BMP6: variants seen among roughly 807,000 people sequenced by gnomAD.
The protein encoded by BMP6 is VG-1-R.
In BMP6, 17 loss-of-function variants were observed where a neutral mutation model predicts 54.1. The ratio of observed to expected loss-of-function variants is 0.31; its 90% confidence interval spans 0.22 to 0.47. The LOEUF (loss-of-function observed/expected upper bound fraction) is 0.47. BMP6 is among the 20% of genes least tolerant of loss of function. The pLI, the probability that BMP6 is intolerant of heterozygous loss-of-function variation, is 1.00. For synonymous variants in BMP6, 328 were observed against 291.2 expected (o/e 1.13, Z -1.28); for missense variants, 720 against 690.4 (o/e 1.04, Z -0.48).
chr6:7,816,146 C>T (rs1758522762), intron 1 of BMP6, among the ~76,000 whole-genome samples: 2 of 152,164 alleles, frequency 1.3e-5, no homozygotes. Context: ...TAGAAAATTG[C>T]TGGAGAGGCT....
At chr6:7,754,902 T>G (rs1581233791) in intron 1 of BMP6, among the ~76,000 whole-genome samples, 1 of 152,126 alleles carries the variant, frequency 6.6e-6, no homozygotes, top group African/African-American at 2.4e-5. Flanking sequence ...GTATTTTTAG[T>G]AGAGACCGGG....
rs1358826076 is a variant in BMP6, at chr6:7,881,681, G to A, written c.*1338G>A. The A allele has an allele frequency of 1.3e-5, 2 of 151,646 alleles. No homozygotes were observed. The highest frequency in any genetic ancestry group is 2.4e-5 in the African/African-American group (1 of 41,396). The allele number at this position is 151,646 out of a possible 1,614,324, so 9.4% of individuals were successfully genotyped here. A position where few individuals can be genotyped will look rare whatever the true frequency, so the allele number is the denominator to read the frequency against. On this transcript the variant is annotated 3_prime_UTR_variant, in exon 7 of 7. Coordinates refer to ENST00000283147, the MANE Select transcript of BMP6 (RefSeq NM_001718.6). ...AGGAGGTTGGGTTTTTTTAAAAAAA[G>A]AATTATCTGTGAACCATACGTGATT...
intron 1 of BMP6, among the ~76,000 whole-genome samples, chr6:7,797,763 AC>A (rs1758212390): frequency 6.6e-6 from 1 of 152,136 alleles, no homozygotes; most frequent in Non-Finnish European, 1.5e-5. Context: ...AATAACAGCA[AC>A]AAAAAGAAGA....
intron 2 of BMP6, among the ~76,000 whole-genome samples, chr6:7,854,461 G>A (rs964547454): frequency 2.6e-5 from 4 of 152,206 alleles, no homozygotes; most frequent in Non-Finnish European, 4.4e-5. Context: ...TAGGGTTGGT[G>A]ATGAGAACTA....
intron 5 of BMP6, 123 bp from the exon 6 acceptor site, chr6:7,879,868 T>C (rs1759684880): frequency 2.0e-6 from 2 of 997,272 alleles, no homozygotes. Flanking sequence ...TTCCTAAGCC[T>C]TCCTGCGTCT....
At position 7,727,329 on chromosome 6, in the gene BMP6, C is replaced by A. The variant is rs769021981; in HGVS notation, c.374C>A (p.Pro125His). 6 of 1,609,522 alleles carry A rather than the reference C, an allele frequency of 3.7e-6. No individual in the cohort carries two copies. The Admixed American group carries it at 1.0e-4, about 27-fold the overall frequency. ...QQQQLPRGEP[P>H]PGRLKSAPLF... The stretch of plus-strand genomic sequence containing the variant: ...CAGCAGCTGCCTCGCGGAGAGCCCC[C>A]TCCCGGGCGACTGAAGTCCGCGCCC... Residue 125 changes from proline to histidine, a missense_variant, in exon 1 of 7, where the codon CCT becomes CAT. Pro to His is a moderately conservative substitution (Grantham distance 77). Around this residue, in one of 3 missense-constraint regions of BMP6, gnomAD observed 650 missense variants for 556.3 expected, o/e 1.17. Coordinates refer to ENST00000283147, the MANE Select transcript of BMP6 (RefSeq NM_001718.6).
chr6:7,758,578 T>C (rs989572505), intron 1 of BMP6, among the ~76,000 whole-genome samples: 1 of 152,198 alleles, frequency 6.6e-6, no homozygotes, highest in Admixed American at 6.5e-5. Context: ...CTACAGTGCC[T>C]TGTGGTATTT....
chr6:7,840,277 G>A lies in BMP6; in HGVS notation c.665-4863G>A, dbSNP rs1313744498. On this transcript the variant is annotated intron_variant, in intron 1 of 6. Transcript: ENST00000283147. Reference sequence around the variant, plus strand: ...GAATTGTTAGGTTTTAAAGGGCAGGGGAGTGATAAACATTATTCCTGATGT... The same window carrying A: ...GAATTGTTAGGTTTTAAAGGGCAGGAGAGTGATAAACATTATTCCTGATGT... Among the ~76,000 whole-genome samples, 3 of 152,160 alleles carry A rather than the reference G, an allele frequency of 2.0e-5. No individual in the cohort carries two copies. The East Asian group carries it at 5.8e-4, about 29-fold the overall frequency.
intron 1 of BMP6, among the ~76,000 whole-genome samples, chr6:7,729,931 C>G (rs1340224696): frequency 2.0e-5 from 3 of 152,184 alleles, no homozygotes; most frequent in Non-Finnish European, 4.4e-5. Flanking sequence ...ACTCAAAACT[C>G]CTGGCCTCAA....
At chr6:7,823,264 A>G (rs905875749) in intron 1 of BMP6, among the ~76,000 whole-genome samples, 2 of 152,188 alleles carry the variant, frequency 1.3e-5, no homozygotes, top group Non-Finnish European at 2.9e-5. Context: ...CACTTACAGA[A>G]TATTGTACTG....
At chr6:7,774,315 TGAG>T (rs1346712443) in intron 1 of BMP6, among the ~76,000 whole-genome samples, 1 of 152,154 alleles carries the variant, frequency 6.6e-6, no homozygotes, top group Admixed American at 6.5e-5. Flanking sequence ...TCTGGGAGGC[TGAG>T]GAGGGTGGAT....
chr6:7,786,460 GTTTTT>G (rs35750746), intron 1 of BMP6, among the ~76,000 whole-genome samples: 77 of 135,138 alleles, frequency 5.7e-4, no homozygotes, highest in African/African-American at 1.4e-3. Context: ...TCTTTAGTCT[GTTTTT>G]TTTTTTTTTT....
At position 7,881,522 on chromosome 6, in the gene BMP6, A is replaced by T. The variant is rs576618139; in HGVS notation, c.*1179A>T. ...CATTGAAGGAAAGACCAGACTTTTAAAAAAAAAGAGTTTATTTAGAAAGTA... is the reference window on the plus strand; with the variant it reads ...CATTGAAGGAAAGACCAGACTTTTATAAAAAAAGAGTTTATTTAGAAAGTA... On this transcript the variant is annotated 3_prime_UTR_variant, in exon 7 of 7. Transcript: ENST00000283147. The T allele has an allele frequency of 1.3e-4, 20 of 152,126 alleles. No individual in the cohort carries two copies. The highest frequency in any genetic ancestry group is 6.2e-4 in the South Asian group (3 of 4,812). The allele number at this position is 152,126 out of a possible 1,614,324, so 9.4% of individuals were successfully genotyped here.
intron 1 of BMP6, among the ~76,000 whole-genome samples, chr6:7,731,713 A>G (rs1359361827): frequency 6.6e-6 from 1 of 152,262 alleles, no homozygotes; most frequent in Non-Finnish European, 1.5e-5. Context: ...AAATGTTTAC[A>G]GTGAAGACAT....
At chr6:7,737,289 T>C (rs918915464) in intron 1 of BMP6, among the ~76,000 whole-genome samples, 6 of 152,134 alleles carry the variant, frequency 3.9e-5, no homozygotes, top group Non-Finnish European at 7.4e-5. Context: ...TTAATACTTC[T>C]CTGTGGGAGG....
chr6:7,836,212 A>G (rs551839594), intron 1 of BMP6, among the ~76,000 whole-genome samples: 1 of 132,224 alleles, frequency 7.6e-6, no homozygotes, highest in Admixed American at 7.2e-5. Flanking sequence ...TTTTTTTTTA[A>G]AAAAAAATGA....
At chr6:7,841,055 C>A (rs2113249277) in intron 1 of BMP6, among the ~76,000 whole-genome samples, 1 of 152,336 alleles carries the variant, frequency 6.6e-6, no homozygotes, top group Non-Finnish European at 1.5e-5. Flanking sequence ...ATTATCACAG[C>A]TAACATTGAT....
rs1485268975 is a variant in BMP6 at position 7,726,165 on chromosome 6, G to A, written c.-791G>A. On this transcript the variant is annotated 5_prime_UTR_variant, in exon 1 of 7. Coordinates refer to ENST00000283147, the MANE Select transcript of BMP6 (RefSeq NM_001718.6). ...AGGCGGGAGACCGAATTCCGGCGCC[G>A]CCGCCGCGGCCGCTGCTCGGTGCAC... Among the ~76,000 whole-genome samples the A allele has an allele frequency of 6.6e-6, 1 of 152,204 alleles. No individual in the cohort carries two copies. The highest frequency in any genetic ancestry group is 2.4e-5 in the African/African-American group (1 of 41,462).
chr6:7,808,607 GA>G (rs1758387961), intron 1 of BMP6, among the ~76,000 whole-genome samples: 1 of 152,098 alleles, frequency 6.6e-6, no homozygotes, highest in South Asian at 2.1e-4. Context: ...ACTTTTGTCT[GA>G]TTTTATTTAC....
Sources: allele counts gnomAD v4.1 joint callset (sites outside exome capture counted in the v4.1 genomes callset), GRCh38; gene constraint gnomAD v4.1.1; regional missense constraint gnomAD v4.1.1; transcripts MANE v1.5; gene names NCBI Gene and HGNC (gene_info 2026-07-23, HGNC 2026-07-21).